Variants in SLC22A4 observed in about 807,000 individuals in gnomAD.
SLC22A4 encodes the protein solute carrier family 22 member 4.
A neutral mutation model predicts 56.6 loss-of-function variants in SLC22A4; 39 were observed. The ratio of observed to expected loss-of-function variants is 0.69; its 90% CI spans 0.53 to 0.90. The LOEUF (loss-of-function observed/expected upper bound fraction) is 0.90. Among genes scored for constraint, SLC22A4 ranks in the 40% least tolerant of loss-of-function variants. The probability of loss-of-function intolerance (pLI) is 0.00; values close to 1 mark genes in which losing one functional copy is unlikely to be tolerated. For synonymous variants in SLC22A4, 241 were observed against 281.4 expected (o/e 0.86, Z 1.44); for missense variants, 594 against 696.5 (o/e 0.85, Z 1.66).
intron 5 of SLC22A4, among the ~76,000 whole-genome samples, chr5:132,328,599 AACAAC>A (rs767848272): frequency 6.6e-6 from 1 of 151,810 alleles, no homozygotes; most frequent in Non-Finnish European, 1.5e-5. Flanking sequence ...CAACAACAAC[AACAAC>A]ATTGGGAGTG....
At chr5:132,301,780 C>A (rs1020156737) in intron 1 of SLC22A4, among the ~76,000 whole-genome samples, 12 of 152,198 alleles carry the variant, frequency 7.9e-5, no homozygotes, top group African/African-American at 2.9e-4. Flanking sequence ...TCTGGGTAGG[C>A]CCCGACAAAA....
At chr5:132,301,379 C>T (rs1749900961) in intron 1 of SLC22A4, among the ~76,000 whole-genome samples, 1 of 152,258 alleles carries the variant, frequency 6.6e-6, no homozygotes, top group Admixed American at 6.5e-5. Context: ...TAAGACAGGG[C>T]TGCTGCCACA....
intron 1 of SLC22A4, among the ~76,000 whole-genome samples, chr5:132,295,981 T>C (rs59302116): frequency 6.6e-6 from 1 of 152,136 alleles, no homozygotes; most frequent in African/African-American, 2.4e-5. Flanking sequence ...GGACATCTGG[T>C]GTGTGGAGCC....
intron 4 of SLC22A4, chr5:132,324,397 A>C (rs1405087921): frequency 1.5e-5 from 6 of 408,490 alleles, no homozygotes; most frequent in Non-Finnish European, 3.0e-5. Flanking sequence ...CCAGCAGAGA[A>C]GGTCCATCCC....
At chr5:132,328,755 T>C (rs1317320875) in intron 5 of SLC22A4, among the ~76,000 whole-genome samples, 1 of 151,562 alleles carries the variant, frequency 6.6e-6, no homozygotes, top group African/African-American at 2.4e-5. Context: ...AAAATAGATA[T>C]GAGATATATA....
At chr5:132,327,249 A>C (rs1353036962) in intron 4 of SLC22A4, 28 bp from the exon 5 acceptor site, 2 of 1,494,788 alleles carry the variant, frequency 1.3e-6, no homozygotes, top group African/African-American at 2.8e-5. Context: ...GTTGTGAAAA[A>C]TTATTAAATA....
Position 132,343,799 on chromosome 5 carries a change from A to G in SLC22A4, c.1620A>G (p.Thr540=). Residue 540 remains threonine (T), a synonymous_variant, in exon 10 of 10, where the codon ACA becomes ACG. Coordinates refer to ENST00000200652, the MANE Select transcript of SLC22A4 (RefSeq NM_003059.3). ...SGKKTRDSME[T]EENPKVLITA... ...AAAAAACAAGAGACTCAATGGAGAC[A>G]GAAGAAAATCCCAAGGTTCTAATAA... 6.2e-7 allele frequency: 1 copy of G among 1,609,786 alleles called. No homozygotes were observed. Among genetic ancestry groups the G allele is most frequent in the South Asian group, 1.1e-5 (1 of 90,830 alleles).
chr5:132,330,910 A>G (rs1750839370), intron 5 of SLC22A4, among the ~76,000 whole-genome samples: 1 of 152,160 alleles, frequency 6.6e-6, no homozygotes, highest in Non-Finnish European at 1.5e-5. Flanking sequence ...AGCTATATAT[A>G]TATGATCTCA....
At chr5:132,326,524 A>G (rs1037530948) in intron 4 of SLC22A4, among the ~76,000 whole-genome samples, 1 of 152,244 alleles carries the variant, frequency 6.6e-6, no homozygotes, top group Non-Finnish European at 1.5e-5. Flanking sequence ...GGTAAGGAAA[A>G]TGAGAGCTGA....
chr5:132,318,977 G>A (rs758192816), intron 3 of SLC22A4, among the ~76,000 whole-genome samples: 2 of 152,130 alleles, frequency 1.3e-5, no homozygotes, highest in Non-Finnish European at 2.9e-5. Context: ...TGTAATCAGG[G>A]TTCTCTCCTA....
chr5:132,320,561 C>T (rs377033102), intron 3 of SLC22A4, among the ~76,000 whole-genome samples: 1 of 152,154 alleles, frequency 6.6e-6, no homozygotes, highest in Non-Finnish European at 1.5e-5. Flanking sequence ...TTGTCTCCAA[C>T]ATGGGATGCA....
chr5:132,330,681 G>A lies in SLC22A4; in HGVS notation c.952-1075G>A, dbSNP rs982290611. 7.2e-5 allele frequency among the ~76,000 whole-genome samples: 11 copies of A among 152,026 alleles called. No individual in the cohort carries two copies. In the South Asian group the frequency reaches 1.2e-3, roughly 17 times the overall value. On this transcript the variant is annotated intron_variant, in intron 5 of 9. Coordinates refer to ENST00000200652, the MANE Select transcript of SLC22A4 (RefSeq NM_003059.3). ...GCGGAGGTTGCAGTGAGCTGAGATCGCGCCACTGTACTCCAGCCTGGGCAA... is the reference window on the plus strand; with the variant it reads ...GCGGAGGTTGCAGTGAGCTGAGATCACGCCACTGTACTCCAGCCTGGGCAA...
intron 1 of SLC22A4, among the ~76,000 whole-genome samples, chr5:132,310,867 G>A (rs1750162906): frequency 1.3e-5 from 2 of 152,144 alleles, no homozygotes; most frequent in Non-Finnish European, 2.9e-5. Flanking sequence ...TGAGCTGCTG[G>A]GATACGCAGA....
At chr5:132,333,717 AAGAG>A (rs1750932291) in intron 6 of SLC22A4, among the ~76,000 whole-genome samples, 1 of 25,862 alleles carries the variant, frequency 3.9e-5, no homozygotes, top group African/African-American at 2.0e-4. Context: ...AAGAGAAAAG[AAGAG>A]AGAGAGAAAA....
chr5:132,322,139 T>G (rs749616952), intron 3 of SLC22A4, 45 bp from the exon 4 acceptor site: 7 of 1,556,486 alleles, frequency 4.5e-6, no homozygotes, highest in Non-Finnish European at 8.8e-7. Flanking sequence ...AAAGCAAATA[T>G]TAAAGTGAGT....
intron 1 of SLC22A4, among the ~76,000 whole-genome samples, chr5:132,308,244 A>T (rs966509362): frequency 6.6e-6 from 1 of 152,078 alleles, no homozygotes; most frequent in Non-Finnish European, 1.5e-5. Flanking sequence ...ACATGTGCAC[A>T]TCTGTCCTGT....
At chr5:132,330,466 C>A (rs1437474592) in intron 5 of SLC22A4, among the ~76,000 whole-genome samples, 1 of 152,228 alleles carries the variant, frequency 6.6e-6, no homozygotes, top group Non-Finnish European at 1.5e-5. Context: ...TGGCTCACAC[C>A]TGTAATCCCA....
At chr5:132,324,472 T>C (rs938761040) in intron 4 of SLC22A4, 4 of 470,318 alleles carry the variant, frequency 8.5e-6, no homozygotes, top group Non-Finnish European at 1.8e-5. Flanking sequence ...AGCTGGTCCA[T>C]GAATGCTCCT....
In SLC22A4 at chr5:132,331,811, G is replaced by A. The variant is rs762018264; in HGVS notation, c.1007G>A (p.Arg336Gln). Residue 336 changes from arginine to glutamine, a missense_variant, in exon 6 of 10, where the codon CGG becomes CAG. Physicochemically the swap from Arg to Gln is conservative, Grantham distance 43. Transcript: ENST00000200652. ...TTCATTCTGGACCTGTTCAGGACTC[G>A]GAATATTGCCATAATGACCATTATG... ...KAFILDLFRT[R>Q]NIAIMTIMSL... 43 of 1,613,528 alleles carry A rather than the reference G, an allele frequency of 2.7e-5. No homozygotes were observed. The Middle Eastern group carries it at 1.2e-3, about 43-fold the overall frequency.
Sources: gnomAD v4.1 joint callset for allele counts (sites outside exome capture counted in the v4.1 genomes callset) on GRCh38, gnomAD v4.1.1 for gene constraint, MANE v1.5 for transcripts, NCBI Gene and HGNC (gene_info 2026-07-23, HGNC 2026-07-21) for gene names.